Variants in TMEM150C observed in about 807,000 individuals in gnomAD.
The protein encoded by TMEM150C is tentonin 3.
A neutral mutation model predicts 29.9 loss-of-function variants in TMEM150C; 10 were observed. That is an observed-to-expected ratio of 0.33 (90% CI 0.21 to 0.57). The LOEUF is 0.57. Among genes scored for constraint, TMEM150C ranks in the 20% least tolerant of loss-of-function variants. The pLI is 0.88. For synonymous variants in TMEM150C, 101 were observed against 112.5 expected (o/e 0.90, Z 0.64); for missense variants, 251 against 303.6 (o/e 0.83, Z 1.29).
At chr4:82,553,570 A>G (rs966056348) in intron 1 of TMEM150C, among the ~76,000 whole-genome samples, 3 of 152,260 alleles carry the variant, frequency 2.0e-5, no homozygotes, top group African/African-American at 4.8e-5. Context: ...GTTATCATCC[A>G]GAAAATCCTC....
chr4:82,528,273 C>G (rs950114143), intron 1 of TMEM150C, among the ~76,000 whole-genome samples: 4 of 152,224 alleles, frequency 2.6e-5, no homozygotes, highest in Non-Finnish European at 5.9e-5. Context: ...CGAACTTCAG[C>G]AGGCATCAAA....
At chr4:82,492,047 TG>T (rs146611738) in intron 6 of TMEM150C, among the ~76,000 whole-genome samples, 6,209 of 150,084 alleles carry the variant, frequency 0.041, 379 homozygotes, top group African/African-American at 0.14. Flanking sequence ...GCGATTCTTC[TG>T]CCTCAGCCTC....
At chr4:82,533,476 A>G (rs1355029333) in intron 1 of TMEM150C, among the ~76,000 whole-genome samples, 1 of 152,098 alleles carries the variant, frequency 6.6e-6, no homozygotes, top group African/African-American at 2.4e-5. Flanking sequence ...AAATATATCA[A>G]CTCTCACAGT....
chr4:82,483,792 T>C lies in TMEM150C; in HGVS notation c.*1719A>G, dbSNP rs1283944233. On this transcript the variant is annotated 3_prime_UTR_variant, in exon 8 of 8. Transcript: ENST00000449862. ...GTTGAATTAAAAAACGTTTTTCTTT[T>C]TTTCTTTTTTTTTTGAGATGGAGTT... 1 of 142,400 alleles carries C rather than the reference T, an allele frequency of 7.0e-6. No individual in the cohort carries two copies. Among genetic ancestry groups the C allele is most frequent in the South Asian group, 2.3e-4 (1 of 4,424 alleles). The allele number at this position is 142,400 out of a possible 1,614,324, so 8.8% of individuals were successfully genotyped here.
In TMEM150C at chr4:82,490,201, G is replaced by A. The variant is rs377741142; in HGVS notation, c.401C>T (p.Ser134Phe). The A allele has an allele frequency of 3.1e-6, 5 of 1,613,902 alleles. No individual in the cohort carries two copies. The highest frequency in any genetic ancestry group is 4.2e-6 in the Non-Finnish European group (5 of 1,179,890). ...NDEEIHNVGTSLTFGFGTLTC... is the reference protein window; with the variant it reads ...NDEEIHNVGTFLTFGFGTLTC... Reference sequence around the variant, plus strand: ...CAATGTGCCAAATCCAAAGGTCAAGGAAGTTCCGACGTTATGGATTTCTTC... The same window carrying A: ...CAATGTGCCAAATCCAAAGGTCAAGAAAGTTCCGACGTTATGGATTTCTTC... The change falls in exon 7 of 8, where the codon TCC becomes TTC. Residue 134 changes from serine (S) to phenylalanine (F), a missense_variant. Transcript: ENST00000449862.
intron 7 of TMEM150C, among the ~76,000 whole-genome samples, chr4:82,487,136 A>G (rs1470352836): frequency 6.6e-6 from 1 of 152,174 alleles, no homozygotes; most frequent in Non-Finnish European, 1.5e-5. Flanking sequence ...ATGAATCAGA[A>G]TCATTTGGTG....
chr4:82,562,114 C>T (rs978048380), upstream of TMEM150C: 10 of 1,252,272 alleles, frequency 8.0e-6, no homozygotes, highest in African/African-American at 9.4e-5. Context: ...GAGAGTTGAT[C>T]CCCTGGGTCT....
intron 1 of TMEM150C, among the ~76,000 whole-genome samples, chr4:82,530,166 A>G (rs1478248401): frequency 6.6e-6 from 1 of 151,874 alleles, no homozygotes. Flanking sequence ...GGAAGAAACA[A>G]GAGAGAGAGA....
At chr4:82,538,099 C>G (rs113590300) in intron 1 of TMEM150C, among the ~76,000 whole-genome samples, 295 of 152,264 alleles carry the variant, frequency 1.9e-3, no homozygotes, top group African/African-American at 6.8e-3. Flanking sequence ...CGCTCTGTCA[C>G]CCAGGTTGGT....
At chr4:82,504,386 T>A (rs903582584) in intron 2 of TMEM150C, among the ~76,000 whole-genome samples, 192 bp downstream of exon 2, 10 of 152,240 alleles carry the variant, frequency 6.6e-5, no homozygotes, top group African/African-American at 2.4e-4. Context: ...GTATTTTTAG[T>A]AGAGACAGGG....
At chr4:82,559,993 A>T (rs953449670) in intron 1 of TMEM150C, among the ~76,000 whole-genome samples, 1 of 152,212 alleles carries the variant, frequency 6.6e-6, no homozygotes, top group Non-Finnish European at 1.5e-5. Flanking sequence ...TGTAAAGCAA[A>T]GGGCCTTCTC....
chr4:82,523,720 C>T (rs1392071433), intron 1 of TMEM150C, among the ~76,000 whole-genome samples: 1 of 150,842 alleles, frequency 6.6e-6, no homozygotes. Flanking sequence ...TTAAATAACT[C>T]AGGCTGGAGT....
intron 2 of TMEM150C, among the ~76,000 whole-genome samples, chr4:82,504,061 G>A (rs1206153973): frequency 3.3e-5 from 5 of 151,884 alleles, no homozygotes; most frequent in Admixed American, 6.6e-5. Flanking sequence ...CTTCACCACC[G>A]GCTTTGCATA....
intron 1 of TMEM150C, among the ~76,000 whole-genome samples, chr4:82,557,869 C>G (rs1042436704): frequency 2.0e-5 from 3 of 151,782 alleles, no homozygotes; most frequent in African/African-American, 4.8e-5. Flanking sequence ...CCTGGGATTA[C>G]AGGTACCTGC....
intron 1 of TMEM150C, among the ~76,000 whole-genome samples, chr4:82,515,109 A>G (rs1453887788): frequency 6.6e-6 from 1 of 152,116 alleles, no homozygotes; most frequent in Admixed American, 6.5e-5. Context: ...CTAACTTAAC[A>G]GAACGATTCT....
Position 82,485,193 on chromosome 4 carries a change from G to A in TMEM150C, c.*318C>T. The stretch of plus-strand genomic sequence containing the variant: ...ACATTTGGCCTGCCCTACTCGGTAG[G>A]GTGCTTGAGACATGTGGAGAGAATG... On this transcript the variant is annotated 3_prime_UTR_variant, in exon 8 of 8. Transcript: ENST00000449862. The A allele has an allele frequency of 3.5e-6, 1 of 286,604 alleles. No individual in the cohort carries two copies. The highest frequency in any genetic ancestry group is 4.5e-5 in the South Asian group (1 of 22,256). The allele number at this position is 286,604 out of a possible 1,614,324, so 17.8% of individuals were successfully genotyped here. A position where few individuals can be genotyped will look rare whatever the true frequency, so the allele number is the denominator to read the frequency against.
intron 6 of TMEM150C, among the ~76,000 whole-genome samples, chr4:82,494,624 T>C: frequency 6.6e-6 from 1 of 152,136 alleles, no homozygotes; most frequent in African/African-American, 2.4e-5. Flanking sequence ...GTAGAAAATA[T>C]ACAGCTGTTC....
chr4:82,503,891 A>C (rs1723816755), intron 2 of TMEM150C, among the ~76,000 whole-genome samples: 1 of 152,130 alleles, frequency 6.6e-6, no homozygotes, highest in African/African-American at 2.4e-5. Context: ...AAAACATATC[A>C]GACCCAATCA....
intron 1 of TMEM150C, among the ~76,000 whole-genome samples, chr4:82,544,674 G>A (rs1274552330): frequency 6.6e-6 from 1 of 152,066 alleles, no homozygotes; most frequent in African/African-American, 2.4e-5. Context: ...AGCTACTTGG[G>A]AGACTGAGGT....
Sources: gnomAD v4.1 joint callset for allele counts (sites outside exome capture counted in the v4.1 genomes callset) on GRCh38, gnomAD v4.1.1 for gene constraint, MANE v1.5 for transcripts, NCBI Gene and HGNC (gene_info 2026-07-23, HGNC 2026-07-21) for gene names.